The following NCALD variants were observed in gnomAD, a reference collection of about 807,000 sequenced individuals.
NCALD encodes neurocalcin-delta.
Under a neutral mutation model 18.6 loss-of-function variants are expected in NCALD, and 10 were observed. The ratio of observed to expected loss-of-function variants is 0.54; its 90% CI spans 0.33 to 0.91. NCALD has a LOEUF of 0.91. NCALD is among the 40% of genes least tolerant of loss of function. NCALD has a pLI of 0.03. For synonymous variants in NCALD, 88 were observed against 87.4 expected (o/e 1.01, Z -0.04); for missense variants, 184 against 247.6 (o/e 0.74, Z 1.72).
chr8:101,978,508 A>C (rs1586859902), intron 2 of NCALD, among the ~76,000 whole-genome samples: 1 of 152,220 alleles, frequency 6.6e-6, no homozygotes, highest in African/African-American at 2.4e-5. Context: ...CTAAGAAAGT[A>C]AGTTACCTGG....
chr8:102,056,929 C>T (rs1157390864), intron 1 of NCALD, among the ~76,000 whole-genome samples: 2 of 152,200 alleles, frequency 1.3e-5, no homozygotes, highest in Admixed American at 1.3e-4. Flanking sequence ...AAGTGCTTAT[C>T]TTATGTTAGA....
intron 2 of NCALD, among the ~76,000 whole-genome samples, chr8:101,982,379 T>C (rs1369307839): frequency 6.6e-6 from 1 of 152,232 alleles, no homozygotes; most frequent in Non-Finnish European, 1.5e-5. Flanking sequence ...GGGAAGTAAC[T>C]ATAAACTATA....
chr8:101,887,469 A>G (rs1816717036), intron 3 of NCALD, among the ~76,000 whole-genome samples: 1 of 152,174 alleles, frequency 6.6e-6, no homozygotes, highest in South Asian at 2.1e-4. Context: ...ATCAGCTCTG[A>G]GCATCTCACA....
At chr8:101,779,399 T>C (rs1387052186) in intron 1 of NCALD, among the ~76,000 whole-genome samples, 1 of 152,194 alleles carries the variant, frequency 6.6e-6, no homozygotes, top group Non-Finnish European at 1.5e-5. Context: ...GCCACATATG[T>C]ACTGAAGATT....
intron 3 of NCALD, among the ~76,000 whole-genome samples, chr8:101,913,052 T>G (rs1237598314): frequency 1.3e-5 from 2 of 152,270 alleles, no homozygotes; most frequent in East Asian, 3.9e-4. Flanking sequence ...TGCCAACAAC[T>G]GCATGAGCTT....
intron 4 of NCALD, among the ~76,000 whole-genome samples, chr8:101,819,263 C>CTTTATTTA (rs1554639373): frequency 0.016 from 2,433 of 148,308 alleles, 52 homozygotes; most frequent in East Asian, 0.064. Context: ...AAATACATAA[C>CTTTATTTA]TTTATTTATT....
intron 1 of NCALD, among the ~76,000 whole-genome samples, chr8:101,772,399 G>C (rs1334306372): frequency 6.6e-6 from 1 of 152,138 alleles, no homozygotes; most frequent in Non-Finnish European, 1.5e-5. Context: ...TTTAGAAATC[G>C]TATCTTCCTA....
At chr8:101,926,278 G>T (rs1251269217) in intron 2 of NCALD, among the ~76,000 whole-genome samples, 1 of 152,154 alleles carries the variant, frequency 6.6e-6, no homozygotes, top group Non-Finnish European at 1.5e-5. Context: ...AGGCCTGTTT[G>T]GTCAGCTCTT....
chr8:101,723,368 A>T (rs547841689), intron 1 of NCALD, among the ~76,000 whole-genome samples: 6 of 152,290 alleles, frequency 3.9e-5, no homozygotes, highest in Non-Finnish European at 7.4e-5. Flanking sequence ...AATTATGAAC[A>T]CATATTTTCA....
chr8:101,737,868 T>A (rs1471653062), intron 1 of NCALD, among the ~76,000 whole-genome samples: 1 of 152,228 alleles, frequency 6.6e-6, no homozygotes, highest in African/African-American at 2.4e-5. Flanking sequence ...TTCTATTGCA[T>A]CTATTTCGTA....
intron 2 of NCALD, among the ~76,000 whole-genome samples, chr8:101,999,119 G>GACC (rs1821349483): frequency 8.1e-6 from 1 of 123,454 alleles, no homozygotes; most frequent in Non-Finnish European, 1.7e-5. Context: ...CAGTTCTAAA[G>GACC]ACTAGTGATT....
intron 1 of NCALD, among the ~76,000 whole-genome samples, chr8:101,738,087 T>C (rs1810005696): frequency 6.6e-6 from 1 of 152,208 alleles, no homozygotes; most frequent in South Asian, 2.1e-4. Flanking sequence ...CTTCTTTCTG[T>C]ATCTGGGAAA....
chr8:102,012,528 C>T (rs947000787), intron 2 of NCALD, among the ~76,000 whole-genome samples: 1 of 152,222 alleles, frequency 6.6e-6, no homozygotes, highest in Non-Finnish European at 1.5e-5. Context: ...ACACCAACAG[C>T]GCCTGCCTCA....
chr8:101,873,099 G>A (rs946020186), intron 4 of NCALD, among the ~76,000 whole-genome samples: 3 of 152,176 alleles, frequency 2.0e-5, no homozygotes, highest in Admixed American at 6.5e-5. Flanking sequence ...TCCCTTCAGC[G>A]TGTTCCTTTG....
At chr8:101,927,383 C>A (rs913546327) in intron 2 of NCALD, among the ~76,000 whole-genome samples, 2 of 152,192 alleles carry the variant, frequency 1.3e-5, no homozygotes, top group African/African-American at 2.4e-5. Flanking sequence ...CAAGCCTGCA[C>A]TGTTGTCAGG....
At chr8:101,769,704 G>A (rs1305821986) in intron 1 of NCALD, among the ~76,000 whole-genome samples, 2 of 151,128 alleles carry the variant, frequency 1.3e-5, no homozygotes, top group African/African-American at 4.9e-5. Context: ...CAGCTCAACT[G>A]TATGAAGGTT....
chr8:101,757,929 C>T (rs951935703), intron 1 of NCALD, among the ~76,000 whole-genome samples: 3 of 152,164 alleles, frequency 2.0e-5, no homozygotes, highest in African/African-American at 7.2e-5. Context: ...GTAGCTAGGA[C>T]TACAGTTGTG....
intron 1 of NCALD, among the ~76,000 whole-genome samples, chr8:101,780,795 G>A (rs950751624): frequency 6.6e-6 from 1 of 152,160 alleles, no homozygotes; most frequent in Non-Finnish European, 1.5e-5. Flanking sequence ...CATGATTTCA[G>A]TGAAAACTTT....
At chr8:101,746,829 G>T (rs1199653765) in intron 1 of NCALD, among the ~76,000 whole-genome samples, 5 of 151,852 alleles carry the variant, frequency 3.3e-5, no homozygotes, top group South Asian at 4.2e-4. Context: ...GTTAGCTAAG[G>T]TTCATTTCTC....
Sources: allele counts gnomAD v4.1 joint callset (sites outside exome capture counted in the v4.1 genomes callset), GRCh38; gene constraint gnomAD v4.1.1; transcripts MANE v1.5; gene names NCBI Gene and HGNC (gene_info 2026-07-23, HGNC 2026-07-21).